Variants in CNTN6 observed in about 807,000 individuals in gnomAD.
CNTN6 encodes contactin 6.
CNTN6 carries 137 observed loss-of-function variants against 122.8 expected under a neutral mutation model. The ratio of observed to expected loss-of-function variants is 1.12; its 90% confidence interval spans 0.97 to 1.29. The LOEUF (loss-of-function observed/expected upper bound fraction) is 1.29. Ranked by LOEUF, CNTN6 falls within the 50% of genes most tolerant of loss-of-function variation. The pLI, the probability that CNTN6 is intolerant of heterozygous loss-of-function variation, is 0.00. For synonymous variants in CNTN6, 570 were observed against 426.0 expected (o/e 1.34, Z -4.16); for missense variants, 1,634 against 1,223.4 (o/e 1.34, Z -5.01).
At chr3:1,277,303 A>T (rs1692544585) in intron 4 of CNTN6, among the ~76,000 whole-genome samples, 1 of 150,100 alleles carries the variant, frequency 6.7e-6, no homozygotes, top group South Asian at 2.1e-4. Flanking sequence ...TTCACAAATA[A>T]ACCTTCTCCC....
intron 1 of CNTN6, among the ~76,000 whole-genome samples, chr3:1,133,874 A>C (rs1038549320): frequency 2.0e-5 from 3 of 152,206 alleles, no homozygotes; most frequent in Admixed American, 6.5e-5. Flanking sequence ...GTAGCCATCA[A>C]GACTGAAGCA....
chr3:1,323,912 A>T lies in CNTN6; in HGVS notation c.947-1903A>T, dbSNP rs1025927031. On this transcript the variant is annotated intron_variant, in intron 8 of 22. Transcript: ENST00000446702. ...ATAAATAAATGTGTTCTGTAGCCGC[A>T]ATTATTGCATTAAGCATAAAATCAG... 6.4e-5 allele frequency among the ~76,000 whole-genome samples: 9 copies of T among 139,714 alleles called. 1 individual carries two copies. Among genetic ancestry groups the T allele is most frequent in the African/African-American group, 3.0e-4 (9 of 30,114 alleles). The allele number at this position is 139,714 out of a possible 152,430, so 91.7% of individuals were successfully genotyped here. A position where few individuals can be genotyped will look rare whatever the true frequency, so the allele number is the denominator to read the frequency against.
intron 8 of CNTN6, among the ~76,000 whole-genome samples, chr3:1,325,337 G>T (rs1215646780): frequency 6.6e-6 from 1 of 151,836 alleles, no homozygotes; most frequent in Non-Finnish European, 1.5e-5. Flanking sequence ...ATGCCAGGAA[G>T]CTCATGTTTG....
intron 3 of CNTN6, among the ~76,000 whole-genome samples, chr3:1,223,306 A>G (rs2094233987): frequency 6.6e-6 from 1 of 152,220 alleles, no homozygotes; most frequent in African/African-American, 2.4e-5. Flanking sequence ...TCCTGGCGTC[A>G]TCTTCCTTAT....
At chr3:1,311,823 A>G (rs2125927937) in intron 7 of CNTN6, among the ~76,000 whole-genome samples, 1 of 152,078 alleles carries the variant, frequency 6.6e-6, no homozygotes, top group East Asian at 1.9e-4. Context: ...CCATGAACAT[A>G]TATGCAAGTC....
rs1169726875 is a variant in CNTN6 at position 1,158,967 on chromosome 3, C to CAT, written c.55+10905_55+10906insTA. On this transcript the variant is annotated intron_variant, in intron 2 of 22. Coordinates refer to ENST00000446702, the MANE Select transcript of CNTN6 (RefSeq NM_001289080.2). ...ATATATATATATACACACACACACA[C>CAT]ACATATATATATATATAGACAAGGT... 1.0e-4 allele frequency among the ~76,000 whole-genome samples: 11 copies of CAT among 105,906 alleles called. No homozygotes were observed. In the South Asian group the frequency reaches 1.2e-3, roughly 11 times the overall value. The allele number at this position is 105,906 out of a possible 152,430, so 69.5% of individuals were successfully genotyped here. A position where few individuals can be genotyped will look rare whatever the true frequency, so the allele number is the denominator to read the frequency against.
At chr3:1,126,816 C>T (rs1208063890) in intron 1 of CNTN6, among the ~76,000 whole-genome samples, 2 of 151,758 alleles carry the variant, frequency 1.3e-5, no homozygotes, top group African/African-American at 2.4e-5. Flanking sequence ...CGTGATTCTT[C>T]CAACATCACC....
At chr3:1,399,393 A>C (rs1230396267) in intron 20 of CNTN6, among the ~76,000 whole-genome samples, 4 of 152,132 alleles carry the variant, frequency 2.6e-5, no homozygotes, top group Admixed American at 2.6e-4. Context: ...AAATATGTTG[A>C]TAAGCATTAT....
intron 2 of CNTN6, among the ~76,000 whole-genome samples, chr3:1,149,841 A>T (rs2092801333): frequency 6.6e-6 from 1 of 152,174 alleles, no homozygotes; most frequent in Non-Finnish European, 1.5e-5. Flanking sequence ...TGTATATTGA[A>T]TTAGCATAGG....
At chr3:1,113,721 C>G (rs2091588615) in intron 1 of CNTN6, among the ~76,000 whole-genome samples, 1 of 152,154 alleles carries the variant, frequency 6.6e-6, no homozygotes, top group Non-Finnish European at 1.5e-5. Context: ...CCTACGCCCT[C>G]TAGTTAAATC....
At chr3:1,376,515 T>C (rs559309377) in intron 16 of CNTN6, among the ~76,000 whole-genome samples, 2 of 152,180 alleles carry the variant, frequency 1.3e-5, no homozygotes, top group South Asian at 4.1e-4. Flanking sequence ...TAACGAGGAG[T>C]TTTAAAACAA....
At chr3:1,196,670 C>A (rs2093783074) in intron 2 of CNTN6, among the ~76,000 whole-genome samples, 1 of 152,070 alleles carries the variant, frequency 6.6e-6, no homozygotes, top group Admixed American at 6.5e-5. Flanking sequence ...ACAGCAAAAA[C>A]AAAATAAATG....
chr3:1,375,258 A>G (rs1260566124), intron 16 of CNTN6, among the ~76,000 whole-genome samples: 1 of 152,022 alleles, frequency 6.6e-6, no homozygotes, highest in Non-Finnish European at 1.5e-5. Context: ...GACAGGGTTG[A>G]CAGAAACTCT....
chr3:1,196,085 C>T (rs1401185868), intron 2 of CNTN6, among the ~76,000 whole-genome samples: 2 of 152,102 alleles, frequency 1.3e-5, no homozygotes, highest in Non-Finnish European at 2.9e-5. Flanking sequence ...GACTAATTTG[C>T]TTGTGGTTAT....
chr3:1,287,063 T>G (rs1475647757), intron 5 of CNTN6, among the ~76,000 whole-genome samples: 2 of 152,108 alleles, frequency 1.3e-5, no homozygotes, highest in African/African-American at 4.8e-5. Context: ...GCACCCAGAT[T>G]CATAAAGCAC....
At chr3:1,177,061 T>C (rs2093464527) in intron 2 of CNTN6, among the ~76,000 whole-genome samples, 1 of 152,164 alleles carries the variant, frequency 6.6e-6, no homozygotes, top group Admixed American at 6.5e-5. Context: ...ATGTTTAATC[T>C]TAATCTAATC....
In CNTN6 at chr3:1,295,646, A is replaced by T. The variant is rs781125618; in HGVS notation, c.500A>T (p.Gln167Leu). Residue 167 changes from glutamine to leucine, a missense_variant, in exon 6 of 23, where the codon CAA becomes CTA. Physicochemically the swap from Gln to Leu is moderately radical, Grantham distance 113 (BLOSUM62 -2). Coordinates refer to ENST00000446702, the MANE Select transcript of CNTN6 (RefSeq NM_001289080.2). ...TTCAATGATAACCCCTTATACGTCC[A>T]AGAGGACAATAGGCGATTTGTATCT... ...WTFNDNPLYV[Q>L]EDNRRFVSQE... 5 of 1,613,950 alleles carry T rather than the reference A, an allele frequency of 3.1e-6. No homozygotes were observed. Among genetic ancestry groups the T allele is most frequent in the Non-Finnish European group, 3.4e-6 (4 of 1,179,906 alleles).
chr3:1,282,520 T>G (rs1188852882), intron 5 of CNTN6, among the ~76,000 whole-genome samples: 1 of 152,346 alleles, frequency 6.6e-6, no homozygotes, highest in African/African-American at 2.4e-5. Context: ...AGAGATGGGT[T>G]TTGTGATTGT....
rs1335461306 is a variant in CNTN6, at chr3:1,326,008, C to G, written c.1083+57C>G. The G allele has an allele frequency of 2.0e-6, 3 of 1,476,976 alleles. No homozygotes were observed. The East Asian group carries it at 6.9e-5, about 34-fold the overall frequency. 91.5% of individuals were successfully genotyped at this position (1,476,976 alleles called of 1,614,324 possible). A position where few individuals can be genotyped will look rare whatever the true frequency, so the allele number is the denominator to read the frequency against. On this transcript the variant is annotated intron_variant, in intron 9 of 22. Transcript: ENST00000446702. ...CTACTCTACTAGGTAAATTTTGTTA[C>G]TAACAGTACTAGTAACTAACAGAAA...
Sources: gnomAD v4.1 joint callset for allele counts (sites outside exome capture counted in the v4.1 genomes callset) on GRCh38, gnomAD v4.1.1 for gene constraint, MANE v1.5 for transcripts, NCBI Gene and HGNC (gene_info 2026-07-23, HGNC 2026-07-21) for gene names.